Variants in EYS observed in about 807,000 individuals in gnomAD.
The protein encoded by EYS is protein eyes shut homolog.
A neutral mutation model predicts 282.1 loss-of-function variants in EYS; 250 were observed. That is an observed-to-expected ratio of 0.89 (90% CI 0.80 to 0.98). The LOEUF (loss-of-function observed/expected upper bound fraction) is 0.98. Ranked by LOEUF, EYS falls within the 50% of genes least tolerant of loss-of-function variation. EYS has a pLI of 0.00. For synonymous variants in EYS, 1,355 were observed against 1,282.9 expected (o/e 1.06, Z -1.20); for missense variants, 4,016 against 3,709.0 (o/e 1.08, Z -2.15).
intron 29 of EYS, among the ~76,000 whole-genome samples, chr6:64,356,311 G>A (rs1352751893): frequency 6.6e-6 from 1 of 151,424 alleles, no homozygotes; most frequent in Non-Finnish European, 1.5e-5. Context: ...AAGACAACGT[G>A]TTCAATACAC....
intron 10 of EYS, 88 bp from the exon 11 acceptor site, chr6:65,335,234 CCTCT>C: frequency 1.1e-6 from 1 of 890,428 alleles, no homozygotes; most frequent in Non-Finnish European, 1.8e-6. Flanking sequence ...ATGATAGATG[CCTCT>C]CTGTCTACTA....
At chr6:64,486,881 C>T (rs778803981) in intron 26 of EYS, among the ~76,000 whole-genome samples, 2 of 151,230 alleles carry the variant, frequency 1.3e-5, no homozygotes, top group Non-Finnish European at 3.0e-5. Flanking sequence ...CTGCAAAGAG[C>T]CTACAGCCAT....
At chr6:64,818,146 A>G (rs1420520733) in intron 21 of EYS, among the ~76,000 whole-genome samples, 1 of 152,196 alleles carries the variant, frequency 6.6e-6, no homozygotes, top group Non-Finnish European at 1.5e-5. Context: ...AGAAAGATAC[A>G]TGCCATCCTC....
intron 29 of EYS, among the ~76,000 whole-genome samples, chr6:64,367,996 T>C (rs77879362): frequency 4.5e-4 from 68 of 152,192 alleles, no homozygotes; most frequent in African/African-American, 1.6e-3. Context: ...GTTATATAGG[T>C]AAATTGTGTG....
At chr6:64,182,893 T>C (rs187822948) in intron 31 of EYS, among the ~76,000 whole-genome samples, 1 of 152,184 alleles carries the variant, frequency 6.6e-6, no homozygotes, top group Non-Finnish European at 1.5e-5. Flanking sequence ...CCCTCAGGCA[T>C]CTTTTGGGCC....
Position 65,310,588 on chromosome 6 carries a change from G to C in EYS, c.1767-14469C>G, listed in dbSNP as rs143341141. Among the ~76,000 whole-genome samples, 31 of 152,208 alleles carry C rather than the reference G, an allele frequency of 2.0e-4. No homozygotes were observed. The East Asian group carries it at 5.8e-3, about 29-fold the overall frequency. On this transcript the variant is annotated intron_variant, in intron 11 of 42. Coordinates refer to ENST00000503581, the MANE Select transcript of EYS (RefSeq NM_001142800.2). ...GCCCTTCAAGGCTCCATGTGACCTT[G>C]TCGTGTCTACCTCTTCTGCCTCATC... is the stretch of plus-strand genomic sequence containing the variant.
chr6:64,125,171 TCTCTCG>T (rs1773729679), intron 31 of EYS, among the ~76,000 whole-genome samples: 1 of 151,040 alleles, frequency 6.6e-6, no homozygotes, highest in African/African-American at 2.4e-5. Context: ...TCTCTCTCTC[TCTCTCG>T]CTCTCTCTCT....
chr6:65,683,429 A>C (rs1039173930), intron 1 of EYS, among the ~76,000 whole-genome samples: 2 of 151,436 alleles, frequency 1.3e-5, no homozygotes, highest in African/African-American at 2.4e-5. Flanking sequence ...CAATAGTCTT[A>C]ACTACTATTG....
At chr6:64,861,876 C>G (rs1347942951) in intron 19 of EYS, among the ~76,000 whole-genome samples, 1 of 152,122 alleles carries the variant, frequency 6.6e-6, no homozygotes, top group African/African-American at 2.4e-5. Flanking sequence ...TCTTTCTTTA[C>G]ATAGATTTTG....
intron 28 of EYS, among the ~76,000 whole-genome samples, chr6:64,390,500 C>T (rs908137364): frequency 5.3e-5 from 8 of 151,428 alleles, no homozygotes; most frequent in Non-Finnish European, 1.0e-4. Context: ...GGAGGCACCC[C>T]CCAGCAGGGG....
At chr6:64,581,791 A>G (rs1477392649) in intron 26 of EYS, among the ~76,000 whole-genome samples, 1 of 152,054 alleles carries the variant, frequency 6.6e-6, no homozygotes, top group African/African-American at 2.4e-5. Context: ...TGAAGCCCAC[A>G]CTGGATAGAT....
chr6:65,324,482 G>A (rs372090599), intron 11 of EYS, among the ~76,000 whole-genome samples: 2 of 152,246 alleles, frequency 1.3e-5, no homozygotes, highest in Non-Finnish European at 1.5e-5. Context: ...GTGAAACACC[G>A]GTGATATTGT....
Position 65,478,441 on chromosome 6 carries a change from G to A in EYS, c.862+12153C>T, listed in dbSNP as rs181155515. Reference sequence around the variant, plus strand: ...CCAAACAATAACAAAAGTAGCAAAAGCTAAAATTAATTATATGCTTACCAA... The same window carrying A: ...CCAAACAATAACAAAAGTAGCAAAAACTAAAATTAATTATATGCTTACCAA... On this transcript the variant is annotated intron_variant, in intron 5 of 42. Transcript: ENST00000503581. Among the ~76,000 whole-genome samples the A allele has an allele frequency of 5.8e-4, 88 of 152,146 alleles. 1 individual carries two copies. Among genetic ancestry groups the A allele is most frequent in the Middle Eastern group, 3.4e-3 (1 of 294 alleles).
intron 15 of EYS, among the ~76,000 whole-genome samples, chr6:64,915,246 A>G (rs1265154011): frequency 6.6e-6 from 1 of 152,146 alleles, no homozygotes; most frequent in Admixed American, 6.5e-5. Flanking sequence ...TTTGCTTGCC[A>G]TACACTTTAG....
intron 30 of EYS, among the ~76,000 whole-genome samples, chr6:64,251,841 A>C (rs1767228998): frequency 6.6e-6 from 1 of 152,142 alleles, no homozygotes; most frequent in African/African-American, 2.4e-5. Flanking sequence ...GAGAAGTTCT[A>C]AAATGCCAAA....
intron 35 of EYS, among the ~76,000 whole-genome samples, chr6:63,909,536 A>C (rs1773862876): frequency 6.6e-6 from 1 of 152,162 alleles, no homozygotes; most frequent in Non-Finnish European, 1.5e-5. Flanking sequence ...GCAATTGTTA[A>C]ATTTCAGGAA....
At chr6:65,534,074 G>A (rs1229856918) in intron 2 of EYS, among the ~76,000 whole-genome samples, 2 of 151,794 alleles carry the variant, frequency 1.3e-5, no homozygotes, top group Admixed American at 6.6e-5. Flanking sequence ...TTTATATATT[G>A]TTTTAAAGTA....
intron 12 of EYS, among the ~76,000 whole-genome samples, chr6:65,092,306 A>G (rs556885357): frequency 6.6e-5 from 10 of 152,280 alleles, no homozygotes; most frequent in East Asian, 5.8e-4. Context: ...TGGTCTAACA[A>G]TGAAATTCTC....
At chr6:65,176,158 C>A (rs556472404) in intron 12 of EYS, among the ~76,000 whole-genome samples, 1 of 151,626 alleles carries the variant, frequency 6.6e-6, no homozygotes, top group Admixed American at 6.6e-5. Context: ...TAACTATATT[C>A]TCATTGCTGT....
Sources: allele counts gnomAD v4.1 joint callset (sites outside exome capture counted in the v4.1 genomes callset), GRCh38; gene constraint gnomAD v4.1.1; transcripts MANE v1.5; gene names NCBI Gene and HGNC (gene_info 2026-07-23, HGNC 2026-07-21).